Variants in CAST observed in about 807,000 individuals in gnomAD.
CAST encodes calpastatin.
Under a neutral mutation model 119.6 loss-of-function variants are expected in CAST, and 76 were observed. That is an observed-to-expected ratio of 0.64 (90% CI 0.53 to 0.77). The LOEUF (loss-of-function observed/expected upper bound fraction) is 0.77. Ranked by LOEUF, CAST falls within the 30% of genes least tolerant of loss-of-function variation. The pLI, the probability that CAST is intolerant of heterozygous loss-of-function variation, is 0.00. For missense variants in CAST, 953 were observed against 946.5 expected (o/e 1.01, Z -0.09); for synonymous variants, 319 against 331.6 (o/e 0.96, Z 0.41).
chr5:96,072,270 A>C, the CAST span, among the ~76,000 whole-genome samples: 1 of 152,072 alleles, frequency 6.6e-6, no homozygotes, highest in Non-Finnish European at 1.5e-5. Context: ...TCAGGGAGTA[A>C]GGGGTTGAAG....
the CAST span, among the ~76,000 whole-genome samples, chr5:96,304,324 A>T: frequency 6.6e-6 from 1 of 152,088 alleles, no homozygotes; most frequent in African/African-American, 2.4e-5. Flanking sequence ...AATTTGTTTA[A>T]GTTCTTTGTA....
chr5:96,484,593 AT>A, the CAST span, among the ~76,000 whole-genome samples: 1 of 152,078 alleles, frequency 6.6e-6, no homozygotes, highest in Non-Finnish European at 1.5e-5. Context: ...AATATTCACT[AT>A]TTTTGGTTAA....
At chr5:96,293,079 T>A in the CAST span, among the ~76,000 whole-genome samples, 1 of 152,200 alleles carries the variant, frequency 6.6e-6, no homozygotes, top group South Asian at 2.1e-4. Context: ...GATTCAACCC[T>A]GTCATGTTGC....
intron 1 of CAST, among the ~76,000 whole-genome samples, chr5:96,613,343 C>T (rs1468499712): frequency 2.6e-5 from 4 of 152,130 alleles, no homozygotes; most frequent in East Asian, 1.9e-4. Context: ...TAAGTATTCT[C>T]GAAGGTCTTT....
chr5:96,142,483 G>A, the CAST span, among the ~76,000 whole-genome samples: 1 of 152,172 alleles, frequency 6.6e-6, no homozygotes, highest in African/African-American at 2.4e-5. Flanking sequence ...TATTTTACAG[G>A]CACAGCATAA....
chr5:96,216,381 T>C, the CAST span, among the ~76,000 whole-genome samples: 34 of 152,214 alleles, frequency 2.2e-4, no homozygotes, highest in Non-Finnish European at 4.1e-4. Flanking sequence ...AATAAATTGC[T>C]TTTTAAAAAT....
At chr5:96,522,187 G>T (rs779274034), upstream of CAST, among the ~76,000 whole-genome samples, 2 of 152,108 alleles carry the variant, frequency 1.3e-5, no homozygotes, top group Non-Finnish European at 2.9e-5. Flanking sequence ...GAGGATTCAA[G>T]GCCTTAATTC....
chr5:96,431,805 A>G, the CAST span, among the ~76,000 whole-genome samples: 1 of 152,260 alleles, frequency 6.6e-6, no homozygotes, highest in East Asian at 1.9e-4. Context: ...CACCACCTCC[A>G]GAAAAAACGC....
chr5:96,415,303 A>G, the CAST span, among the ~76,000 whole-genome samples: 1 of 152,160 alleles, frequency 6.6e-6, no homozygotes, highest in African/African-American at 2.4e-5. Flanking sequence ...CCCTTTGCCT[A>G]GAAGTGGCTC....
chr5:96,152,710 G>A, the CAST span, among the ~76,000 whole-genome samples: 1 of 152,154 alleles, frequency 6.6e-6, no homozygotes, highest in Non-Finnish European at 1.5e-5. Context: ...TGCTTTCCCA[G>A]TAACACATGC....
At chr5:96,381,722 C>T in the CAST span, among the ~76,000 whole-genome samples, 1 of 152,182 alleles carries the variant, frequency 6.6e-6, no homozygotes, top group Non-Finnish European at 1.5e-5. Context: ...GTTTGCTTTG[C>T]CTTGTCACAC....
intron 1 of CAST, among the ~76,000 whole-genome samples, chr5:96,536,744 G>T (rs1745823072): frequency 6.6e-6 from 1 of 152,122 alleles, no homozygotes; most frequent in African/African-American, 2.4e-5. Flanking sequence ...ATCATAATTT[G>T]GGATAATACC....
the CAST span, among the ~76,000 whole-genome samples, chr5:96,514,202 C>T: frequency 3.9e-5 from 6 of 152,250 alleles, no homozygotes; most frequent in South Asian, 2.1e-4. Context: ...GGGCACAATT[C>T]AACCCATAAT....
intron 23 of CAST, 22 bp downstream of exon 23, chr5:96,757,516 G>A: frequency 1.2e-6 from 2 of 1,613,568 alleles, no homozygotes; most frequent in South Asian, 2.2e-5. Context: ...AGTTTTCTCT[G>A]AGGATATCTT....
At chr5:96,102,618 A>T in the CAST span, among the ~76,000 whole-genome samples, 2 of 151,850 alleles carry the variant, frequency 1.3e-5, no homozygotes, top group African/African-American at 2.4e-5. Context: ...CCTGCCTAGC[A>T]TTTCTCTGCC....
At chr5:96,692,511 C>G (rs1031313121) in intron 2 of CAST, among the ~76,000 whole-genome samples, 1 of 152,176 alleles carries the variant, frequency 6.6e-6, no homozygotes, top group African/African-American at 2.4e-5. Flanking sequence ...TGCCTGTACC[C>G]AGCATGCTTT....
intron 2 of CAST, among the ~76,000 whole-genome samples, chr5:96,688,411 T>A (rs1413502828): frequency 6.6e-6 from 1 of 152,194 alleles, no homozygotes; most frequent in Non-Finnish European, 1.5e-5. Flanking sequence ...ATCAGAGGTG[T>A]ACATGATGAC....
chr5:95,989,613 A>G, the CAST span, among the ~76,000 whole-genome samples: 1 of 152,172 alleles, frequency 6.6e-6, no homozygotes, highest in East Asian at 1.9e-4. Context: ...TGATAAGAAC[A>G]CTCTATTAAC....
chr5:96,735,766 G>A (rs997985243), intron 9 of CAST, among the ~76,000 whole-genome samples: 9 of 152,206 alleles, frequency 5.9e-5, no homozygotes, highest in Admixed American at 4.6e-4. Context: ...CCGAAGTGAG[G>A]GATATGGAAG....
Sources: allele counts gnomAD v4.1 joint callset (sites outside exome capture counted in the v4.1 genomes callset), GRCh38; gene constraint gnomAD v4.1.1; transcripts MANE v1.5; gene names NCBI Gene and HGNC (gene_info 2026-07-23, HGNC 2026-07-21).